CATSPERD: variants seen among roughly 807,000 people sequenced by gnomAD.
CATSPERD encodes the protein catsper channel auxiliary subunit delta, also known as cation channel sperm-associated auxiliary subunit delta.
Under a neutral mutation model 98.1 loss-of-function variants are expected in CATSPERD, and 86 were observed. That is an observed-to-expected ratio of 0.88 (90% CI 0.74 to 1.05). CATSPERD has a LOEUF of 1.05. Among genes scored for constraint, CATSPERD ranks in the 50% least tolerant of loss-of-function variants. The pLI is 0.00. For synonymous variants in CATSPERD, 394 were observed against 390.2 expected (o/e 1.01, Z -0.12); for missense variants, 995 against 1,005.7 (o/e 0.99, Z 0.14).
At chr19:5,771,717 C>T (rs530674844) in intron 19 of CATSPERD, among the ~76,000 whole-genome samples, 160 of 151,708 alleles carry the variant, frequency 1.1e-3, no homozygotes, top group African/African-American at 3.7e-3. Context: ...ATTACAGGCG[C>T]GTGCCACCAT....
In CATSPERD at chr19:5,771,049, C is replaced by A; in HGVS notation, c.1740C>A (p.Thr580=). Residue 580 remains threonine (T), a synonymous_variant, in exon 19 of 22, where the codon ACC becomes ACA. Coordinates refer to ENST00000381624, the MANE Select transcript of CATSPERD (RefSeq NM_152784.4). ...GTCCTCTCCTCGTCTACTATGACAC[C>A]CTATGGAAGCCCGTGGTGGAGCTGT... ...LGCPLLVYYD[T]LWKPVVELWR... is the part of the protein sequence containing the mutation. 1 of 1,613,838 alleles carries A rather than the reference C, an allele frequency of 6.2e-7. No individual in the cohort carries two copies. Among genetic ancestry groups the A allele is most frequent in the Non-Finnish European group, 8.5e-7 (1 of 1,179,896 alleles).
intron 12 of CATSPERD, chr19:5,753,807 A>T: frequency 3.5e-6 from 1 of 284,724 alleles, no homozygotes; most frequent in Non-Finnish European, 6.9e-6. Flanking sequence ...TGGGAGGTCA[A>T]GGCTGCAGTG....
chr19:5,733,862 G>C lies in CATSPERD; in HGVS notation c.283G>C (p.Val95Leu). 6.2e-7 allele frequency: 1 copy of C among 1,608,006 alleles called. No individual in the cohort carries two copies. Among genetic ancestry groups the C allele is most frequent in the Non-Finnish European group, 8.5e-7 (1 of 1,176,714 alleles). Residue 95 changes from valine to leucine, a missense_variant, in exon 5 of 22, where the codon GTA becomes CTA. Coordinates refer to ENST00000381624, the MANE Select transcript of CATSPERD (RefSeq NM_152784.4). ...TCCATATGATAACTTTTAGGTCGGC[G>C]TACCAGAAGTGACATCAGCACATTT... ...FTIPTSMQVG[V>L]PEVTSAHFAG... is the part of the protein sequence containing the mutation.
At chr19:5,776,666 T>C (rs1402463680) in intron 21 of CATSPERD, among the ~76,000 whole-genome samples, 1 of 151,968 alleles carries the variant, frequency 6.6e-6, no homozygotes, top group African/African-American at 2.4e-5. Context: ...TCTCAAATAT[T>C]CAGGAATCTT....
intron 21 of CATSPERD, among the ~76,000 whole-genome samples, chr19:5,777,873 G>A (rs575005935): frequency 2.0e-5 from 3 of 150,022 alleles, no homozygotes; most frequent in South Asian, 2.1e-4. Flanking sequence ...AGATTCCACC[G>A]TTTCAAAAAA....
intron 2 of CATSPERD, among the ~76,000 whole-genome samples, chr19:5,725,969 A>G (rs1165945321): frequency 1.3e-5 from 2 of 152,172 alleles, no homozygotes; most frequent in African/African-American, 4.8e-5. Context: ...GTTAATATTC[A>G]TCATTCTCTG....
At chr19:5,763,724 A>T (rs2056485207) in intron 16 of CATSPERD, among the ~76,000 whole-genome samples, 1 of 151,220 alleles carries the variant, frequency 6.6e-6, no homozygotes, top group African/African-American at 2.4e-5. Flanking sequence ...ATCTTGGATG[A>T]TCTGCCCGCC....
chr19:5,745,604 G>C (rs1254393952), intron 8 of CATSPERD, among the ~76,000 whole-genome samples: 1 of 152,032 alleles, frequency 6.6e-6, no homozygotes, highest in Non-Finnish European at 1.5e-5. Context: ...CTGGGCAACA[G>C]AGCCAGACTC....
chr19:5,762,404 C>T (rs2056458270), intron 15 of CATSPERD, among the ~76,000 whole-genome samples: 1 of 152,028 alleles, frequency 6.6e-6, no homozygotes, highest in Non-Finnish European at 1.5e-5. Context: ...AGAATTCACT[C>T]ACTATCACAA....
chr19:5,738,681 T>G (rs1257489806), intron 6 of CATSPERD, among the ~76,000 whole-genome samples: 1 of 152,176 alleles, frequency 6.6e-6, no homozygotes, highest in African/African-American at 2.4e-5. Flanking sequence ...CCTCCCAGGC[T>G]TCAGTGATTC....
intron 9 of CATSPERD, among the ~76,000 whole-genome samples, chr19:5,747,610 C>CTTTTTTTTTTTT (rs10603074): frequency 3.2e-4 from 28 of 87,630 alleles, no homozygotes; most frequent in Non-Finnish European, 3.9e-4. Context: ...TTTTTCTTTT[C>CTTTTTTTTTTTT]TTTTTTTTTT....
intron 1 of CATSPERD, among the ~76,000 whole-genome samples, chr19:5,721,794 G>C: frequency 6.6e-6 from 1 of 151,870 alleles, no homozygotes; most frequent in African/African-American, 2.4e-5. Context: ...TTCCAGACCA[G>C]CCTGGCCAAC....
chr19:5,775,938 G>A (rs999251631), intron 20 of CATSPERD, among the ~76,000 whole-genome samples: 8 of 151,980 alleles, frequency 5.3e-5, no homozygotes, highest in Admixed American at 2.0e-4. Flanking sequence ...TCAATCTTTC[G>A]GCCTCCAACA....
chr19:5,766,240 CA>C (rs2056536829), intron 17 of CATSPERD, 85 bp downstream of exon 17: 1 of 1,071,946 alleles, frequency 9.3e-7, no homozygotes, highest in Non-Finnish European at 1.3e-6. Context: ...CACTTCAGGT[CA>C]GGAGTTCAAG....
chr19:5,722,401 G>C lies in CATSPERD; in HGVS notation c.71+1593G>C, dbSNP rs563877776. Reference sequence around the variant, plus strand: ...CTCCCAACGTGCTGGGCTTACAGGCGTGTGCCACCGCGCCCGGCCAACACC... The same window carrying C: ...CTCCCAACGTGCTGGGCTTACAGGCCTGTGCCACCGCGCCCGGCCAACACC... On this transcript the variant is annotated intron_variant, in intron 1 of 21. Coordinates refer to ENST00000381624, the MANE Select transcript of CATSPERD (RefSeq NM_152784.4). Among the ~76,000 whole-genome samples, 5 of 152,294 alleles carry C rather than the reference G, an allele frequency of 3.3e-5. No homozygotes were observed. The South Asian group carries it at 1.0e-3, about 32-fold the overall frequency.
Position 5,776,155 on chromosome 19 carries a change from C to G in CATSPERD, c.1942-6C>G. On this transcript the variant is annotated splice_polypyrimidine_tract_variant and splice_region_variant and intron_variant, in intron 20 of 21. Transcript: ENST00000381624. ...GGGCCAGTGGGCATGTCTCTGTCCC[C>G]CACAGAACTATGTGAGCTGCCACGA... The G allele has an allele frequency of 1.2e-6, 2 of 1,613,986 alleles. No individual in the cohort carries two copies. The highest frequency in any genetic ancestry group is 1.7e-6 in the Non-Finnish European group (2 of 1,179,894).
chr19:5,735,204 C>G (rs1472823796), intron 5 of CATSPERD, among the ~76,000 whole-genome samples: 2 of 152,176 alleles, frequency 1.3e-5, no homozygotes, highest in Non-Finnish European at 2.9e-5. Flanking sequence ...GTGGCCCAGT[C>G]TTGGCTCACT....
rs747174972 is a variant in CATSPERD, at chr19:5,759,156, C to A, written c.1427+12C>A. The A allele has an allele frequency of 6.2e-7, 1 of 1,613,612 alleles. No individual in the cohort carries two copies. Among genetic ancestry groups the A allele is most frequent in the Non-Finnish European group, 8.5e-7 (1 of 1,179,656 alleles). On this transcript the variant is annotated intron_variant, in intron 15 of 21. Transcript: ENST00000381624. The stretch of plus-strand genomic sequence containing the variant: ...AACTTCACTTCCAGGTATGTTGTCT[C>A]CTGGGAGAGGCGGGGACTGGGCTGC...
chr19:5,762,058 A>ATATATATATATTTTTTTTTT, intron 15 of CATSPERD, among the ~76,000 whole-genome samples: 1 of 10,438 alleles, frequency 9.6e-5, no homozygotes, highest in African/African-American at 3.3e-4. Context: ...ATATATATAT[A>ATATATATATATTTTTTTTTT]TTTTTTTTTT....
Sources: gnomAD v4.1 joint callset for allele counts (sites outside exome capture counted in the v4.1 genomes callset) on GRCh38, gnomAD v4.1.1 for gene constraint, MANE v1.5 for transcripts, NCBI Gene and HGNC (gene_info 2026-07-23, HGNC 2026-07-21) for gene names.